Variants in DSCAML1 observed in about 807,000 individuals in gnomAD.
DSCAML1 encodes the protein DS cell adhesion molecule like 1, also known as cell adhesion molecule DSCAML1.
A neutral mutation model predicts 200.5 loss-of-function variants in DSCAML1; 38 were observed. The ratio of observed to expected loss-of-function variants is 0.19; its 90% CI spans 0.15 to 0.25. The LOEUF (loss-of-function observed/expected upper bound fraction) is 0.25, where lower values mean the gene tolerates loss of function less well. Ranked by LOEUF, DSCAML1 falls within the 10% of genes least tolerant of loss-of-function variation. DSCAML1 has a pLI of 1.00. For synonymous variants in DSCAML1, 1,215 were observed against 1,165.0 expected, an observed-to-expected ratio of 1.04 and a Z score of -0.87; for missense variants, 2,223 against 2,858.8, an observed-to-expected ratio of 0.78 and a Z score of 5.07.
In DSCAML1 at chr11:117,780,799, C is replaced by A; in HGVS notation, c.58G>T (p.Asp20Tyr). ...LDSLHKARPE[D>Y]VGTSLYFVND... ...ACAAAGTAGAGGCTGGTGCCAACAT[C>A]TTCAGGGCGGGCTGCAGGAGAGGCA... is the stretch of plus-strand genomic sequence containing the variant. The change falls in exon 2 of 33, where the codon GAT (aspartate) becomes TAT (tyrosine). Residue 20 changes from aspartate to tyrosine, a missense_variant. By Grantham distance (160) the Asp-to-Tyr change is radical. Around this residue, in one of 7 missense-constraint regions of DSCAML1, gnomAD observed 579 missense variants for 721.5 expected, o/e 0.80. Coordinates refer to ENST00000651296, the MANE Select transcript of DSCAML1 (RefSeq NM_020693.4). This position sits in a 1 kb window ranked among gnomAD's most constrained non-coding sequence, Gnocchi z 4.8. 6.9e-7 allele frequency: 1 copy of A among 1,457,700 alleles called. No homozygotes were observed. Among genetic ancestry groups the A allele is most frequent in the Non-Finnish European group, 9.0e-7 (1 of 1,106,784 alleles). The allele number at this position is 1,457,700 out of a possible 1,614,324, so 90.3% of individuals were successfully genotyped here.
At chr11:117,506,604 G>T (rs945358665) in intron 8 of DSCAML1, among the ~76,000 whole-genome samples, 1 of 148,812 alleles carries the variant, frequency 6.7e-6, no homozygotes, top group Non-Finnish European at 1.5e-5. Context: ...TCACCCAGGC[G>T]GGAGTACAGT....
chr11:117,800,990 G>A (rs536136677), upstream of DSCAML1: 1 of 152,230 alleles, frequency 6.6e-6, no homozygotes, highest in African/African-American at 2.4e-5. Context: ...TATAAACAGG[G>A]TTTTCATAAA....
chr11:117,656,838 C>A (rs1365868888), intron 3 of DSCAML1, among the ~76,000 whole-genome samples: 2 of 152,214 alleles, frequency 1.3e-5, no homozygotes, highest in African/African-American at 4.8e-5. Context: ...TACTTGGTAG[C>A]TGTAGCCCTC....
chr11:117,547,687 C>T (rs956585743), intron 3 of DSCAML1, among the ~76,000 whole-genome samples: 1 of 152,224 alleles, frequency 6.6e-6, no homozygotes, highest in Non-Finnish European at 1.5e-5. Context: ...TAGCAAGCAG[C>T]TACTGTGTGT....
intron 3 of DSCAML1, among the ~76,000 whole-genome samples, chr11:117,577,458 TTTCC>T (rs1182143268): frequency 0.079 from 4,508 of 56,852 alleles, 161 homozygotes; most frequent in East Asian, 0.24. Context: ...CCTTCCTTCC[TTTCC>T]TTCCTTCCTT....
At chr11:117,446,739 G>C (rs894823269) in intron 20 of DSCAML1, among the ~76,000 whole-genome samples, 2 of 152,252 alleles carry the variant, frequency 1.3e-5, no homozygotes, top group South Asian at 2.1e-4. Flanking sequence ...CCTGCTGGTA[G>C]AAACATACAT....
chr11:117,545,585 G>A (rs999735161), intron 3 of DSCAML1, among the ~76,000 whole-genome samples: 5 of 152,154 alleles, frequency 3.3e-5, no homozygotes, highest in Non-Finnish European at 5.9e-5. Flanking sequence ...AAGGCAGAGG[G>A]GAGCCAATTC....
chr11:117,809,041 G>C (rs527861593), intron 1 of DSCAML1, among the ~76,000 whole-genome samples: 2 of 152,278 alleles, frequency 1.3e-5, no homozygotes, highest in South Asian at 4.1e-4. Flanking sequence ...TAGCAGCTCC[G>C]TCACTGCCCC....
At chr11:117,701,928 GT>G (rs2053676018) in intron 3 of DSCAML1, among the ~76,000 whole-genome samples, 1 of 152,204 alleles carries the variant, frequency 6.6e-6, no homozygotes, top group Admixed American at 6.5e-5. Context: ...CAGGTGCAGG[GT>G]AAACAGACAG....
intron 3 of DSCAML1, among the ~76,000 whole-genome samples, chr11:117,646,090 C>A (rs1341688152): frequency 6.6e-6 from 1 of 152,060 alleles, no homozygotes; most frequent in Non-Finnish European, 1.5e-5. Context: ...TCAATAAAGG[C>A]ATTTCATTAA....
Position 117,780,663 on chromosome 11 carries a change from T to C in DSCAML1, c.194A>G (p.Asp65Gly). 2.5e-6 allele frequency: 4 copies of C among 1,592,342 alleles called. No individual in the cohort carries two copies. Among genetic ancestry groups the C allele is most frequent in the Non-Finnish European group, 3.4e-6 (4 of 1,168,122 alleles). Reference protein sequence around the residue: ...AALRWYLATGDDIYDVPHIRH... With the variant: ...AALRWYLATGGDIYDVPHIRH... ...GATGTGCGGCACGTCGTAGATGTCG[T>C]CCCCTGTGGCCAGGTACCATCGAAG... Residue 65 changes from aspartate to glycine, a missense_variant, in exon 2 of 33, where the codon GAC becomes GGC. By Grantham distance (94) the Asp-to-Gly change is moderately conservative. This residue lies in a region of DSCAML1 where 579 missense variants were observed against 721.5 expected (regional missense o/e 0.80). Coordinates refer to ENST00000651296, the MANE Select transcript of DSCAML1 (RefSeq NM_020693.4). The surrounding 1 kb of genome is among the most constrained non-coding windows in gnomAD (Gnocchi z 4.8).
At chr11:117,468,306 T>TAA (rs35703349) in intron 16 of DSCAML1, among the ~76,000 whole-genome samples, 7 of 149,368 alleles carry the variant, frequency 4.7e-5, no homozygotes, top group African/African-American at 1.5e-4. Flanking sequence ...TTCTCAATGT[T>TAA]AAAAAAAAAA....
At chr11:117,811,155 C>T (rs1306830549) in intron 1 of DSCAML1, among the ~76,000 whole-genome samples, 2 of 152,142 alleles carry the variant, frequency 1.3e-5, no homozygotes, top group Admixed American at 6.5e-5. Context: ...AAGGTTAATG[C>T]TCCTTTTTCT....
intron 11 of DSCAML1, among the ~76,000 whole-genome samples, chr11:117,502,576 T>C (rs1229038684): frequency 6.6e-6 from 1 of 152,210 alleles, no homozygotes; most frequent in Non-Finnish European, 1.5e-5. Context: ...CCCTGTCTTA[T>C]GCTGAGCTGA....
chr11:117,521,568 C>G (rs1292997196), intron 5 of DSCAML1, among the ~76,000 whole-genome samples, 163 bp from the exon 6 acceptor site: 1 of 152,196 alleles, frequency 6.6e-6, no homozygotes, highest in Admixed American at 6.5e-5. Flanking sequence ...ATTCCTTACT[C>G]TAGTCCTCAG....
At chr11:117,602,091 A>G (rs2051476673) in intron 3 of DSCAML1, among the ~76,000 whole-genome samples, 1 of 152,214 alleles carries the variant, frequency 6.6e-6, no homozygotes, top group South Asian at 2.1e-4. Context: ...CTCTGTTCCT[A>G]CCTCAGAATC....
intron 15 of DSCAML1, among the ~76,000 whole-genome samples, chr11:117,471,237 T>C (rs2048679612): frequency 6.6e-6 from 1 of 152,004 alleles, no homozygotes; most frequent in Non-Finnish European, 1.5e-5. Context: ...AGTGGTGCGA[T>C]CTTGGCTCAC....
rs1265881371 is a variant in DSCAML1 at position 117,430,962 on chromosome 11, C to T, written c.5446G>A (p.Glu1816Lys). The T allele has an allele frequency of 6.2e-7, 1 of 1,614,038 alleles. No homozygotes were observed. Among genetic ancestry groups the T allele is most frequent in the Non-Finnish European group, 8.5e-7 (1 of 1,180,046 alleles). Reference protein sequence around the residue: ...STYEELARAYEHAKLEEQLQH... With the variant: ...STYEELARAYKHAKLEEQLQH... ...AGCTGCTCCTCCAGCTTGGCATGCT[C>T]ATAGGCCCGGGCCAGCTCCTCGTAG... The change falls in exon 32 of 33, where the codon GAG (glutamate) becomes AAG (lysine). Residue 1816 changes from glutamate to lysine, a missense_variant. Glu to Lys is a moderately conservative substitution (Grantham distance 56). Around this residue, in one of 7 missense-constraint regions of DSCAML1, gnomAD observed 96 missense variants for 160.7 expected, o/e 0.60. Transcript: ENST00000651296.
At chr11:117,524,028 G>A (rs546829104) in intron 5 of DSCAML1, among the ~76,000 whole-genome samples, 1 of 152,332 alleles carries the variant, frequency 6.6e-6, no homozygotes, top group East Asian at 1.9e-4. Flanking sequence ...GGTCACACAG[G>A]AGTGGAGAGA....
Sources: allele counts gnomAD v4.1 joint callset (sites outside exome capture counted in the v4.1 genomes callset), GRCh38; gene constraint gnomAD v4.1.1; regional missense constraint gnomAD v4.1.1; non-coding constraint Gnocchi (gnomAD v3.1); transcripts MANE v1.5; gene names NCBI Gene and HGNC (gene_info 2026-07-23, HGNC 2026-07-21).